Variants in NIM1K observed in about 807,000 individuals in gnomAD.
NIM1K encodes serine/threonine-protein kinase NIM1.
A neutral mutation model predicts 37.1 loss-of-function variants in NIM1K; 35 were observed. The observed-to-expected ratio is 0.94, with a 90% confidence interval of 0.72 to 1.25. The LOEUF (loss-of-function observed/expected upper bound fraction) is 1.25, where lower values mean the gene tolerates loss of function less well. Among genes scored for constraint, NIM1K ranks in the 50% most tolerant of loss-of-function variants. The pLI, the probability that NIM1K is intolerant of heterozygous loss-of-function variation, is 0.00. For synonymous variants in NIM1K, 234 were observed against 206.6 expected, an observed-to-expected ratio of 1.13 and a Z score of -1.14; for missense variants, 564 against 548.0, an observed-to-expected ratio of 1.03 and a Z score of -0.29.
intron 1 of NIM1K, among the ~76,000 whole-genome samples, chr5:43,244,073 A>G (rs964473093): frequency 1.3e-5 from 2 of 152,064 alleles, no homozygotes; most frequent in African/African-American, 4.8e-5. Flanking sequence ...TCCCTTATTT[A>G]TGTTTATTTG....
chr5:43,214,733 G>A (rs189177882), intron 1 of NIM1K, among the ~76,000 whole-genome samples: 53 of 148,518 alleles, frequency 3.6e-4, no homozygotes, highest in Non-Finnish European at 6.1e-4. Flanking sequence ...GGAGAATGGC[G>A]TGAACCCAGG....
intron 2 of NIM1K, among the ~76,000 whole-genome samples, chr5:43,262,409 TTGTC>T (rs1050296042): frequency 3.9e-5 from 6 of 152,192 alleles, no homozygotes; most frequent in Admixed American, 3.9e-4. Context: ...GGCTCTCTCT[TTGTC>T]TGTTATTGGT....
intron 1 of NIM1K, among the ~76,000 whole-genome samples, chr5:43,203,322 T>C (rs564879003): frequency 1.1e-3 from 171 of 152,234 alleles, no homozygotes; most frequent in Non-Finnish European, 1.9e-3. Flanking sequence ...CTCTGTACAT[T>C]GTGAACTACA....
At chr5:43,226,177 T>C (rs1046175309) in intron 1 of NIM1K, among the ~76,000 whole-genome samples, 11 of 152,356 alleles carry the variant, frequency 7.2e-5, no homozygotes, top group African/African-American at 2.6e-4. Flanking sequence ...TTGAATGCCC[T>C]TTTAAGGGTT....
At chr5:43,229,300 G>A (rs1204201624) in intron 1 of NIM1K, among the ~76,000 whole-genome samples, 2 of 145,670 alleles carry the variant, frequency 1.4e-5, no homozygotes, top group Non-Finnish European at 3.0e-5. Flanking sequence ...CAGGAGAATC[G>A]CTTGAACTGG....
chr5:43,253,390 A>G (rs1752898276), intron 2 of NIM1K, among the ~76,000 whole-genome samples: 1 of 151,842 alleles, frequency 6.6e-6, no homozygotes, highest in Non-Finnish European at 1.5e-5. Flanking sequence ...TCTATTGAGC[A>G]GGAAAAGCTT....
At chr5:43,232,399 C>G (rs576798114) in intron 1 of NIM1K, 1 of 1,431,406 alleles carries the variant, frequency 7.0e-7, no homozygotes, top group Non-Finnish European at 9.8e-7. Context: ...AGGCCACCAG[C>G]TTGGTCTGGA....
At position 43,224,150 on chromosome 5, in the gene NIM1K, C is replaced by A. The variant is rs144989093; in HGVS notation, c.-694-20932C>A. ...ACTCCTGGGCTCAAGCTATCCTCCC[C>A]CCTCTTGCCTCCCTGAGAGCTGGGA... On this transcript the variant is annotated intron_variant, in intron 1 of 3. Coordinates refer to ENST00000326035, the MANE Select transcript of NIM1K (RefSeq NM_153361.4). 1.8e-3 allele frequency among the ~76,000 whole-genome samples: 277 copies of A among 151,988 alleles called. 7 individuals carry two copies. In the East Asian group the frequency reaches 0.047, roughly 26 times the overall value.
intron 1 of NIM1K, among the ~76,000 whole-genome samples, chr5:43,216,889 G>A (rs1752307551): frequency 6.6e-6 from 1 of 152,158 alleles, no homozygotes; most frequent in African/African-American, 2.4e-5. Flanking sequence ...AAGGATTTTG[G>A]GAGCCGCTGG....
chr5:43,272,281 C>T (rs1753269210), intron 2 of NIM1K, among the ~76,000 whole-genome samples: 1 of 152,206 alleles, frequency 6.6e-6, no homozygotes, highest in South Asian at 2.1e-4. Flanking sequence ...CTAGCTAACT[C>T]TTGGACTCCA....
At chr5:43,275,596 C>T (rs955577243) in intron 2 of NIM1K, among the ~76,000 whole-genome samples, 2 of 152,124 alleles carry the variant, frequency 1.3e-5, no homozygotes, top group African/African-American at 4.8e-5. Context: ...ACTGGTGTGT[C>T]GTGTACATGA....
At chr5:43,254,787 A>C (rs1241073863) in intron 2 of NIM1K, among the ~76,000 whole-genome samples, 1 of 152,046 alleles carries the variant, frequency 6.6e-6, no homozygotes, top group Non-Finnish European at 1.5e-5. Context: ...CAGGCCGTTC[A>C]AGAACTTCTG....
intron 1 of NIM1K, among the ~76,000 whole-genome samples, chr5:43,210,085 G>A (rs1276538496): frequency 6.6e-6 from 1 of 151,906 alleles, no homozygotes; most frequent in Non-Finnish European, 1.5e-5. Flanking sequence ...ACACCAGACA[G>A]GATTTGAAGA....
intron 3 of NIM1K, among the ~76,000 whole-genome samples, chr5:43,278,835 C>G (rs1047238599): frequency 3.3e-5 from 5 of 152,104 alleles, no homozygotes; most frequent in African/African-American, 1.2e-4. Flanking sequence ...AGAAGTGAGC[C>G]AGGGAGAAGA....
intron 1 of NIM1K, among the ~76,000 whole-genome samples, chr5:43,198,207 C>CTTTCTCTCTCTCTCTTTCTTTCTTTCTT (rs1281355308): frequency 2.0e-5 from 1 of 48,872 alleles, no homozygotes. Context: ...TTCTTTCTTT[C>CTTTCTCTCTCTCTCTTTCTTTCTTTCTT]TCTTTCTTTC....
chr5:43,233,237 T>G, intron 1 of NIM1K: 2 of 781,392 alleles, frequency 2.6e-6, no homozygotes, highest in Non-Finnish European at 4.2e-6. Flanking sequence ...CTTCTTACAG[T>G]GCGACTCTTA....
intron 1 of NIM1K, among the ~76,000 whole-genome samples, chr5:43,196,300 C>T (rs1215231829): frequency 6.6e-6 from 1 of 152,144 alleles, no homozygotes; most frequent in Non-Finnish European, 1.5e-5. Flanking sequence ...GTTATCATCA[C>T]AATGCATTCA....
At chr5:43,273,314 C>T (rs1039457555) in intron 2 of NIM1K, among the ~76,000 whole-genome samples, 2 of 152,012 alleles carry the variant, frequency 1.3e-5, no homozygotes, top group Non-Finnish European at 2.9e-5. Flanking sequence ...AGCAATTCTC[C>T]TGTCTCAGCC....
At chr5:43,231,718 C>A (rs1752542296) in intron 1 of NIM1K, 5 of 712,054 alleles carry the variant, frequency 7.0e-6, no homozygotes, top group Non-Finnish European at 1.2e-5. Context: ...GCATACACTG[C>A]TACATAAAAA....
Sources: gnomAD v4.1 joint callset for allele counts (sites outside exome capture counted in the v4.1 genomes callset) on GRCh38, gnomAD v4.1.1 for gene constraint, MANE v1.5 for transcripts, NCBI Gene and HGNC (gene_info 2026-07-23, HGNC 2026-07-21) for gene names.